The following USP4 variants were observed in gnomAD, a reference collection of about 807,000 sequenced individuals.
USP4 encodes ubiquitin carboxyl-terminal hydrolase 4.
USP4 carries 72 observed loss-of-function variants against 118.2 expected under a neutral mutation model. The observed-to-expected ratio is 0.61, with a 90% CI of 0.50 to 0.74. The LOEUF is 0.74. Among genes scored for constraint, USP4 ranks in the 30% least tolerant of loss-of-function variants. The pLI, the probability that USP4 is intolerant of heterozygous loss-of-function variation, is 0.00. For synonymous variants in USP4, 415 were observed against 440.4 expected (o/e 0.94, Z 0.72); for missense variants, 1,037 against 1,185.7 (o/e 0.87, Z 1.84).
intron 1 of USP4, among the ~76,000 whole-genome samples, chr3:49,338,518 C>G (rs776336269): frequency 2.0e-5 from 3 of 151,454 alleles, no homozygotes; most frequent in East Asian, 1.9e-4. Context: ...AAAAATTAGC[C>G]GGCCGTGGTG....
intron 2 of USP4, among the ~76,000 whole-genome samples, chr3:49,331,031 AT>A (rs2047612428): frequency 7.2e-6 from 1 of 138,876 alleles, no homozygotes; most frequent in African/African-American, 2.7e-5. Context: ...AAAAAAAAAA[AT>A]ATTGGGAGGC....
intron 3 of USP4, among the ~76,000 whole-genome samples, chr3:49,326,930 G>C (rs902274459): frequency 2.8e-5 from 4 of 145,142 alleles, no homozygotes; most frequent in African/African-American, 1.0e-4. Flanking sequence ...TTGATCTCCT[G>C]ACCTCGTGAT....
chr3:49,317,481 A>AT (rs745708443), intron 6 of USP4: 13,099 of 357,118 alleles, frequency 0.037, no homozygotes, highest in South Asian at 0.046. Context: ...GGGGCCCCCT[A>AT]TTTTTTTTTT....
At chr3:49,279,879 T>C (rs1559462350) in intron 20 of USP4, among the ~76,000 whole-genome samples, 2 of 152,170 alleles carry the variant, frequency 1.3e-5, no homozygotes, top group Admixed American at 6.6e-5. Context: ...ATGTGGACCC[T>C]CACACAACCA....
At chr3:49,289,342 C>G (rs1008892421) in intron 15 of USP4, among the ~76,000 whole-genome samples, 1 of 152,104 alleles carries the variant, frequency 6.6e-6, no homozygotes, top group African/African-American at 2.4e-5. Flanking sequence ...AAGCAGATAT[C>G]CTTTTGCAGA....
In USP4 at chr3:49,278,392, A is replaced by G; in HGVS notation, c.2793T>C (p.Pro931=). ...QRRDDEFYKT[P]SLSSSGSSDG... ...CAGAGGAACCAGAACTGCTAAGTGA[A>G]GGTGTCTTATAAAATTCATCATCTC... The change falls in exon 22 of 22, where the codon CCT becomes CCC. Residue 931 remains proline (P), a synonymous_variant. Transcript: ENST00000265560. 1 of 1,614,174 alleles carries G rather than the reference A, an allele frequency of 6.2e-7. No homozygotes were observed. Among genetic ancestry groups the G allele is most frequent in the East Asian group, 2.2e-5 (1 of 44,890 alleles).
At chr3:49,292,149 C>T (rs943599099) in intron 15 of USP4, among the ~76,000 whole-genome samples, 32 of 151,940 alleles carry the variant, frequency 2.1e-4, no homozygotes, top group African/African-American at 7.0e-4. Flanking sequence ...AGCTGGGTGT[C>T]GTGGCATGCA....
intron 1 of USP4, among the ~76,000 whole-genome samples, chr3:49,337,308 A>T (rs1024286486): frequency 2.6e-5 from 4 of 152,152 alleles, no homozygotes; most frequent in Non-Finnish European, 5.9e-5. Flanking sequence ...ATGCGTGTAC[A>T]TATATAAATA....
Position 49,278,893 on chromosome 3 carries a change from T to G in USP4, c.2654A>C (p.Tyr885Ser). Reference protein sequence around the residue: ...GAMGVGHYTAYAKNKLNGKWY... With the variant: ...GAMGVGHYTASAKNKLNGKWY... ...TTTACCATTCAGTTTGTTCTTCGCA[T>G]ATGCAGTGTCTGCCAAGTCAACAAA... The change falls in exon 21 of 22, where the codon TAT (tyrosine) becomes TCT (serine). Residue 885 changes from tyrosine (Y) to serine (S), a missense_variant. Around this residue, in one of 3 missense-constraint regions of USP4, gnomAD observed 522 missense variants for 592.6 expected, o/e 0.88. Transcript: ENST00000265560. 1 of 1,609,862 alleles carries G rather than the reference T, an allele frequency of 6.2e-7. No individual in the cohort carries two copies. The highest frequency in any genetic ancestry group is 8.5e-7 in the Non-Finnish European group (1 of 1,177,898).
chr3:49,327,572 G>A (rs2047569990), intron 3 of USP4, 114 bp downstream of exon 3: 2 of 1,135,660 alleles, frequency 1.8e-6, no homozygotes, highest in Non-Finnish European at 2.5e-6. Flanking sequence ...AAGGCCTCAA[G>A]CACCACTATT....
chr3:49,324,423 C>T (rs1030789850), intron 6 of USP4, among the ~76,000 whole-genome samples: 1 of 152,188 alleles, frequency 6.6e-6, no homozygotes, highest in Non-Finnish European at 1.5e-5. Flanking sequence ...CCTGGTAGAG[C>T]AGCAACCTTA....
chr3:49,310,824 T>A (rs906225139), intron 7 of USP4, 87 bp from the exon 8 acceptor site: 11 of 1,036,572 alleles, frequency 1.1e-5, no homozygotes, highest in Admixed American at 3.9e-5. Context: ...TGGGGGCCTC[T>A]AGAACTTGTG....
chr3:49,320,096 A>T (rs2107795306), intron 6 of USP4, among the ~76,000 whole-genome samples: 1 of 151,774 alleles, frequency 6.6e-6, no homozygotes, highest in East Asian at 2.0e-4. Flanking sequence ...TTTAAAAAAA[A>T]TTTTGTAGAG....
intron 7 of USP4, 72 bp from the exon 8 acceptor site, chr3:49,310,809 T>C: frequency 1.7e-6 from 2 of 1,180,262 alleles, no homozygotes; most frequent in Non-Finnish European, 1.3e-6. Context: ...TTTTTGAGGC[T>C]CCTATGGGGG....
intron 6 of USP4, chr3:49,318,729 T>C (rs1029816835): frequency 4.5e-5 from 21 of 467,206 alleles, no homozygotes; most frequent in Non-Finnish European, 5.9e-5. Flanking sequence ...GCCAACGTGG[T>C]GAAATCCCAT....
At chr3:49,313,397 G>A (rs186292508) in intron 6 of USP4, among the ~76,000 whole-genome samples, 43 of 152,044 alleles carry the variant, frequency 2.8e-4, no homozygotes, top group East Asian at 2.5e-3. Flanking sequence ...GCCTAGTGGC[G>A]CATGCCTGTA....
At chr3:49,313,325 G>A (rs906689152) in intron 6 of USP4, among the ~76,000 whole-genome samples, 3 of 152,040 alleles carry the variant, frequency 2.0e-5, no homozygotes, top group Non-Finnish European at 4.4e-5. Flanking sequence ...TCAGGAGTTC[G>A]AGTCTAGCCT....
chr3:49,310,886 G>A, intron 7 of USP4, 149 bp from the exon 8 acceptor site: 1 of 632,676 alleles, frequency 1.6e-6, no homozygotes, highest in Non-Finnish European at 2.8e-6. Context: ...CTGCCCTCCA[G>A]ACCTGCCCCA....
At chr3:49,286,492 C>T (rs2107767993) in intron 15 of USP4, among the ~76,000 whole-genome samples, 167 bp from the exon 16 acceptor site, 1 of 152,220 alleles carries the variant, frequency 6.6e-6, no homozygotes, top group Non-Finnish European at 1.5e-5. Flanking sequence ...ACTCTCACCA[C>T]ACCCTTGCAA....
Sources: gnomAD v4.1 joint callset for allele counts (sites outside exome capture counted in the v4.1 genomes callset) on GRCh38, gnomAD v4.1.1 for gene constraint, gnomAD v4.1.1 regional missense constraint, MANE v1.5 for transcripts, NCBI Gene and HGNC (gene_info 2026-07-23, HGNC 2026-07-21) for gene names.